The following NUP98 variants were observed in gnomAD, a reference collection of about 807,000 sequenced individuals.
NUP98 encodes nucleoporin 98 and 96 precursor.
A neutral mutation model predicts 191.9 loss-of-function variants in NUP98; 26 were observed. That is an observed-to-expected ratio of 0.14 (90% CI 0.10 to 0.19). NUP98 has a LOEUF of 0.19. NUP98 is among the 10% of genes least tolerant of loss of function. The pLI is 1.00. For missense variants in NUP98, 1,941 were observed against 2,178.8 expected, an observed-to-expected ratio of 0.89 and a Z score of 2.17; for synonymous variants, 808 against 778.4, an observed-to-expected ratio of 1.04 and a Z score of -0.63.
intron 1 of NUP98, among the ~76,000 whole-genome samples, chr11:3,791,168 T>G (rs1054606342): frequency 1.3e-5 from 2 of 152,108 alleles, no homozygotes; most frequent in African/African-American, 2.4e-5. Context: ...GTGCTGGGAT[T>G]ACAGGCGTGA....
chr11:3,712,019 A>C (rs1296957720), intron 20 of NUP98: 1 of 1,049,460 alleles, frequency 9.5e-7, no homozygotes, highest in African/African-American at 1.7e-5. Flanking sequence ...TAATCTCCCC[A>C]AGCCAAATAA....
chr11:3,764,767 A>T (rs2081282942), intron 8 of NUP98, among the ~76,000 whole-genome samples: 1 of 152,180 alleles, frequency 6.6e-6, no homozygotes, highest in Non-Finnish European at 1.5e-5. Context: ...TTTAGTAGAG[A>T]CGGGGTTTCA....
intron 20 of NUP98, 35 bp downstream of exon 20, chr11:3,712,529 G>A (rs1202249905): frequency 1.2e-6 from 2 of 1,610,924 alleles, no homozygotes; most frequent in Non-Finnish European, 1.7e-6. Context: ...CGGTATCACG[G>A]ATTCCATTCA....
intron 20 of NUP98, chr11:3,712,321 T>C: frequency 7.7e-7 from 1 of 1,304,530 alleles, no homozygotes; most frequent in Non-Finnish European, 9.7e-7. Flanking sequence ...AACAAAGGGT[T>C]TAAAAATGAC....
At chr11:3,700,084 G>A (rs572402908) in intron 24 of NUP98, among the ~76,000 whole-genome samples, 11 of 152,156 alleles carry the variant, frequency 7.2e-5, no homozygotes, top group Non-Finnish European at 5.9e-5. Flanking sequence ...GGCCGGGCTC[G>A]ATGGCTCACG....
At chr11:3,783,437 G>A (rs1384393477) in intron 1 of NUP98, among the ~76,000 whole-genome samples, 3 of 151,992 alleles carry the variant, frequency 2.0e-5, no homozygotes, top group Admixed American at 6.6e-5. Context: ...GGTGGCTCAC[G>A]CCTGTAATCC....
intron 26 of NUP98, among the ~76,000 whole-genome samples, chr11:3,694,249 T>C (rs972968139): frequency 5.5e-4 from 84 of 151,994 alleles, no homozygotes; most frequent in African/African-American, 1.9e-3. Context: ...CAGGCGCCTG[T>C]AATCCCAGCT....
In NUP98 at chr11:3,760,641, A is replaced by G. The variant is rs752824956; in HGVS notation, c.1087-15T>C. 1.2e-6 allele frequency: 2 copies of G among 1,602,084 alleles called. No individual in the cohort carries two copies. The highest frequency in any genetic ancestry group is 3.5e-5 in the Admixed American group (2 of 57,902). On this transcript the variant is annotated splice_polypyrimidine_tract_variant and intron_variant, in intron 9 of 32. Transcript: ENST00000324932. The stretch of plus-strand genomic sequence containing the variant: ...CCAAACAGGGTCTAAAAAGAATAGA[A>G]TACAGGAAAATTTAAAATAATATTA...
rs373808051 is a variant in NUP98 at position 3,768,743 on chromosome 11, A to G, written c.786T>C (p.Ser262=). 3 of 1,537,042 alleles carry G rather than the reference A, an allele frequency of 2.0e-6. No homozygotes were observed. Among genetic ancestry groups the G allele is most frequent in the African/African-American group, 2.8e-5 (2 of 71,362 alleles). Residue 262 remains serine, a splice_region_variant and synonymous_variant, in exon 8 of 33, where the codon AGT becomes AGC. Transcript: ENST00000324932. ...CTGGATTTGTTCCAAATCCAGTTGT[A>G]CCTTTTAGGAAAAAGAAAAAAAAAA... is the stretch of plus-strand genomic sequence containing the variant. ...YGQNKTAFGT[S]TTGFGTNPGG... is the part of the protein sequence containing the mutation.
At chr11:3,769,143 G>A (rs2081433985) in intron 7 of NUP98, among the ~76,000 whole-genome samples, 1 of 152,078 alleles carries the variant, frequency 6.6e-6, no homozygotes, top group Non-Finnish European at 1.5e-5. Flanking sequence ...AATGAATATG[G>A]GCCAGGCACA....
rs781095304 is a variant in NUP98 at position 3,679,584 on chromosome 11, T to C, written c.5043A>G (p.Arg1681=). The C allele has an allele frequency of 1.9e-6, 3 of 1,614,202 alleles. No individual in the cohort carries two copies. Residue 1681 remains arginine (R), a synonymous_variant, in exon 31 of 33, where the codon AGA becomes AGG. Transcript: ENST00000324932. ...TSGLVYLDYI[R]VIEMLRHIQQ... ...GTATATGGCGGAGCATTTCAATGACTCTAATATAGTCCAGGTAAACAAGCC... is the reference window on the plus strand; with the variant it reads ...GTATATGGCGGAGCATTTCAATGACCCTAATATAGTCCAGGTAAACAAGCC...
At chr11:3,770,657 A>G (rs982174309) in intron 7 of NUP98, among the ~76,000 whole-genome samples, 2 of 152,112 alleles carry the variant, frequency 1.3e-5, no homozygotes, top group African/African-American at 4.8e-5. Flanking sequence ...GGGAAAGTGT[A>G]TAAGGCAAGT....
At chr11:3,784,478 C>G (rs757560506) in intron 1 of NUP98, among the ~76,000 whole-genome samples, 3 of 151,914 alleles carry the variant, frequency 2.0e-5, no homozygotes, top group Non-Finnish European at 2.9e-5. Context: ...GCTGGTTACA[C>G]TGGCTCACAT....
intron 14 of NUP98, among the ~76,000 whole-genome samples, chr11:3,725,958 C>T (rs1027343657): frequency 3.3e-5 from 5 of 152,116 alleles, no homozygotes; most frequent in South Asian, 2.1e-4. Context: ...GTAGCTGGGA[C>T]GATAGGCACC....
chr11:3,772,854 T>A (rs1438062716), intron 6 of NUP98, among the ~76,000 whole-genome samples: 1 of 150,992 alleles, frequency 6.6e-6, no homozygotes, highest in Non-Finnish European at 1.5e-5. Flanking sequence ...GGCCCACACC[T>A]GTAATCCAAG....
At chr11:3,779,113 C>T in intron 3 of NUP98, 43 bp downstream of exon 3, 1 of 1,612,632 alleles carries the variant, frequency 6.2e-7, no homozygotes, top group Non-Finnish European at 8.5e-7. Context: ...AATTCCTATA[C>T]TAGCTACAAA....
chr11:3,729,655 C>T (rs1307430193), intron 14 of NUP98, among the ~76,000 whole-genome samples: 3 of 131,004 alleles, frequency 2.3e-5, no homozygotes, highest in African/African-American at 8.9e-5. Flanking sequence ...GTCGAAGGTG[C>T]AGTGATGTAT....
At chr11:3,781,016 G>T (rs999032698) in intron 2 of NUP98, among the ~76,000 whole-genome samples, 17 of 151,864 alleles carry the variant, frequency 1.1e-4, no homozygotes, top group Non-Finnish European at 2.1e-4. Flanking sequence ...GGAGGCAGAA[G>T]TTACAGCGAG....
rs2077813208 is a variant in NUP98, at chr11:3,676,447, G to A, written c.5185+62C>T. 4 of 1,600,210 alleles carry A rather than the reference G, an allele frequency of 2.5e-6. No individual in the cohort carries two copies. The African/African-American group carries it at 5.3e-5, about 21-fold the overall frequency. ...AAGGGTGGTAGGCACTGAGGGTGGG[G>A]TGTAATAATCATAAAAACAGGAAGC... On this transcript the variant is annotated intron_variant, in intron 32 of 32. Transcript: ENST00000324932.
Sources: allele counts gnomAD v4.1 joint callset (sites outside exome capture counted in the v4.1 genomes callset), GRCh38; gene constraint gnomAD v4.1.1; transcripts MANE v1.5; gene names NCBI Gene and HGNC (gene_info 2026-07-23, HGNC 2026-07-21).